Variants in TSHZ2 observed in about 807,000 individuals in gnomAD.
TSHZ2 encodes teashirt zinc finger homeobox 2, also known as teashirt homolog 2.
A neutral mutation model predicts 74.4 loss-of-function variants in TSHZ2; 21 were observed. The observed-to-expected ratio is 0.28, with a 90% CI of 0.20 to 0.41. TSHZ2 has a LOEUF of 0.41. Ranked by LOEUF, TSHZ2 falls within the 10% of genes least tolerant of loss-of-function variation. The pLI, the probability that TSHZ2 is intolerant of heterozygous loss-of-function variation, is 1.00. For missense variants in TSHZ2, 1,244 were observed against 1,293.5 expected (o/e 0.96, Z 0.59); for synonymous variants, 540 against 515.3 (o/e 1.05, Z -0.65).
intron 2 of TSHZ2, among the ~76,000 whole-genome samples, chr20:53,463,433 AG>A (rs1985455332): frequency 1.1e-5 from 1 of 92,930 alleles, no homozygotes; most frequent in African/African-American, 4.3e-5. Context: ...GAAGGAAGGA[AG>A]GAGGGAGGGA....
chr20:53,240,812 T>G (rs1033430231), intron 1 of TSHZ2, among the ~76,000 whole-genome samples: 8 of 152,114 alleles, frequency 5.3e-5, no homozygotes, highest in African/African-American at 1.7e-4. Flanking sequence ...AAGTGTGGTC[T>G]GAGAACTGGC....
chr20:53,088,611 A>AT (rs921948329), intron 1 of TSHZ2, among the ~76,000 whole-genome samples: 2 of 152,204 alleles, frequency 1.3e-5, no homozygotes, highest in Middle Eastern at 3.2e-3. Context: ...CTAAATTCAT[A>AT]TTTTTTTGAA....
At chr20:53,048,020 G>C (rs759203370) in intron 1 of TSHZ2, among the ~76,000 whole-genome samples, 1 of 152,160 alleles carries the variant, frequency 6.6e-6, no homozygotes, top group Non-Finnish European at 1.5e-5. Flanking sequence ...GCTGAGTGGC[G>C]ATCCCATCTC....
chr20:53,352,807 A>G (rs1053347159), intron 2 of TSHZ2, among the ~76,000 whole-genome samples: 2 of 150,290 alleles, frequency 1.3e-5, no homozygotes, highest in East Asian at 1.9e-4. Context: ...AAGAAATAAG[A>G]TGAGAATTTT....
intron 1 of TSHZ2, among the ~76,000 whole-genome samples, chr20:53,001,319 A>G (rs533712888): frequency 2.2e-4 from 33 of 151,150 alleles, no homozygotes; most frequent in African/African-American, 8.0e-4. Context: ...TTGAAGCTTC[A>G]GTTCAGCAGC....
chr20:53,321,986 G>C (rs1392084980), intron 2 of TSHZ2, among the ~76,000 whole-genome samples: 1 of 152,172 alleles, frequency 6.6e-6, no homozygotes, highest in Non-Finnish European at 1.5e-5. Flanking sequence ...TCATGTCACA[G>C]AGACAGGTGG....
chr20:53,235,655 C>G (rs772603280), intron 1 of TSHZ2, among the ~76,000 whole-genome samples: 1 of 152,184 alleles, frequency 6.6e-6, no homozygotes, highest in African/African-American at 2.4e-5. Flanking sequence ...AAAAGGGAAG[C>G]TCTCTCTTTA....
intron 1 of TSHZ2, among the ~76,000 whole-genome samples, chr20:52,989,008 G>A (rs900153585): frequency 6.6e-6 from 1 of 152,058 alleles, no homozygotes. Flanking sequence ...TCTAAAAGAT[G>A]TCTTGTATTT....
intron 1 of TSHZ2, among the ~76,000 whole-genome samples, chr20:53,214,444 G>T (rs189885231): frequency 6.6e-6 from 1 of 152,204 alleles, no homozygotes; most frequent in South Asian, 2.1e-4. Flanking sequence ...GAGGGCTCAC[G>T]CCTGTAACCT....
intron 1 of TSHZ2, among the ~76,000 whole-genome samples, chr20:53,176,128 A>T (rs1361001303): frequency 6.6e-6 from 1 of 152,194 alleles, no homozygotes; most frequent in East Asian, 1.9e-4. Flanking sequence ...GAACTGCTGG[A>T]GTTACTGCTC....
intron 1 of TSHZ2, among the ~76,000 whole-genome samples, chr20:53,105,991 T>C (rs1320284074): frequency 6.6e-6 from 1 of 152,206 alleles, no homozygotes; most frequent in Non-Finnish European, 1.5e-5. Context: ...TACATATTTA[T>C]GGGGTACGAT....
intron 1 of TSHZ2, among the ~76,000 whole-genome samples, chr20:53,149,469 G>T (rs1388809080): frequency 1.3e-5 from 2 of 152,160 alleles, no homozygotes; most frequent in Non-Finnish European, 2.9e-5. Context: ...GAAAGAGGGG[G>T]AGGAAAGAGA....
At chr20:53,051,936 T>G (rs140816945) in intron 1 of TSHZ2, among the ~76,000 whole-genome samples, 1 of 152,158 alleles carries the variant, frequency 6.6e-6, no homozygotes, top group African/African-American at 2.4e-5. Flanking sequence ...ATAGATAATA[T>G]GCCCATTACC....
Position 53,074,247 on chromosome 20 carries a change from T to A in TSHZ2, c.40+100914T>A, listed in dbSNP as rs1985298009. ...TTGAGTAAGAAGTTAAATGTTTCAC[T>A]TTCTTCTCACAATACCCTGTATTGT... On this transcript the variant is annotated intron_variant, in intron 1 of 2. Transcript: ENST00000371497. This position sits in a 1 kb window ranked among gnomAD's most constrained non-coding sequence, Gnocchi z 5.9. Among the ~76,000 whole-genome samples, 1 of 152,262 alleles carries A rather than the reference T, an allele frequency of 6.6e-6. No individual in the cohort carries two copies. The highest frequency in any genetic ancestry group is 6.5e-5 in the Admixed American group (1 of 15,290).
chr20:53,033,133 T>G (rs1983697210), intron 1 of TSHZ2, among the ~76,000 whole-genome samples: 1 of 152,222 alleles, frequency 6.6e-6, no homozygotes, highest in South Asian at 2.1e-4. Flanking sequence ...ATGATTTGAA[T>G]TCACAGCTGG....
chr20:53,291,802 A>G (rs959345332), intron 2 of TSHZ2, among the ~76,000 whole-genome samples: 1 of 150,874 alleles, frequency 6.6e-6, no homozygotes, highest in African/African-American at 2.4e-5. Context: ...GCCTCCTCAC[A>G]GCACACTCTT....
intron 1 of TSHZ2, among the ~76,000 whole-genome samples, chr20:53,002,620 AAAAG>A (rs1474694136): frequency 2.0e-5 from 3 of 151,642 alleles, no homozygotes; most frequent in Non-Finnish European, 2.9e-5. Flanking sequence ...AAATTTATAA[AAAAG>A]AAAATAAATA....
intron 1 of TSHZ2, among the ~76,000 whole-genome samples, chr20:53,225,837 A>G (rs1231879817): frequency 2.0e-5 from 3 of 152,200 alleles, no homozygotes; most frequent in Non-Finnish European, 4.4e-5. Flanking sequence ...CTCCTCCAAT[A>G]TTATTACAGC....
chr20:53,140,885 G>C (rs893199299), intron 1 of TSHZ2, among the ~76,000 whole-genome samples: 1 of 152,094 alleles, frequency 6.6e-6, no homozygotes, highest in Non-Finnish European at 1.5e-5. Flanking sequence ...TGGACAGCAG[G>C]TACTCCAGGG....
Sources: allele counts gnomAD v4.1 joint callset (sites outside exome capture counted in the v4.1 genomes callset), GRCh38; gene constraint gnomAD v4.1.1; non-coding constraint Gnocchi (gnomAD v3.1); transcripts MANE v1.5; gene names NCBI Gene and HGNC (gene_info 2026-07-23, HGNC 2026-07-21).